SS18: variants seen among roughly 807,000 people sequenced by gnomAD.
The protein encoded by SS18 is protein SSXT.
Under a neutral mutation model 72.5 loss-of-function variants are expected in SS18, and 28 were observed. The observed-to-expected ratio is 0.39, with a 90% confidence interval of 0.29 to 0.53. The LOEUF is 0.53. Among genes scored for constraint, SS18 ranks in the 20% least tolerant of loss-of-function variants. The pLI is 0.76. For missense variants in SS18, 518 were observed against 535.3 expected (o/e 0.97, Z 0.32); for synonymous variants, 172 against 164.2 (o/e 1.05, Z -0.37).
chr18:26,076,197 T>A (rs1244495068), intron 3 of SS18, among the ~76,000 whole-genome samples: 1 of 151,622 alleles, frequency 6.6e-6, no homozygotes, highest in African/African-American at 2.4e-5. Context: ...ATTACGTATA[T>A]GTGTATATAA....
rs146983734 is a variant in SS18 at position 26,064,014 on chromosome 18, GAT to G, written c.232-6274_232-6273del. On this transcript the variant is annotated intron_variant, in intron 3 of 10. Transcript: ENST00000415083. ...AATATGGGCAGTAAAAGGAAAATGA[GAT>G]ATTAAGAACAACTTTATGATAATGT... 7.3e-3 allele frequency among the ~76,000 whole-genome samples: 1,107 copies of G among 152,154 alleles called. 11 individuals carry two copies. Among genetic ancestry groups the G allele is most frequent in the African/African-American group, 0.025 (1,048 of 41,504 alleles).
At chr18:26,029,493 T>C (rs1378674424) in intron 10 of SS18, among the ~76,000 whole-genome samples, 1 of 152,002 alleles carries the variant, frequency 6.6e-6, no homozygotes. Flanking sequence ...CTGTGAAAAA[T>C]GGCTAGATAT....
At chr18:26,057,430 C>A (rs1461192640) in intron 4 of SS18, among the ~76,000 whole-genome samples, 159 bp downstream of exon 4, 1 of 152,114 alleles carries the variant, frequency 6.6e-6, no homozygotes, top group Non-Finnish European at 1.5e-5. Flanking sequence ...ACACTGAATA[C>A]AGGTCACGTA....
At chr18:26,080,342 AGTATTAGTATG>A (rs754224372) in intron 2 of SS18, 471 of 985,282 alleles carry the variant, frequency 4.8e-4, no homozygotes, top group Non-Finnish European at 5.5e-4. Context: ...CCTTTGCTTG[AGTATTAGTATG>A]GTTGCACGAC....
intron 2 of SS18, 116 bp from the exon 3 acceptor site, chr18:26,078,276 C>T: frequency 1.6e-6 from 1 of 619,256 alleles, no homozygotes; most frequent in Non-Finnish European, 2.7e-6. Context: ...ACCCGAACAT[C>T]AATAGCACTT....
At chr18:26,090,923 A>G (rs900845029), upstream of SS18, 38 of 353,850 alleles carry the variant, frequency 1.1e-4, no homozygotes, top group Non-Finnish European at 1.6e-4. Context: ...CCGCGGGAGA[A>G]GGAGAGGCTG....
chr18:26,042,064 T>C (rs1030787309), intron 5 of SS18, among the ~76,000 whole-genome samples: 1 of 152,178 alleles, frequency 6.6e-6, no homozygotes, highest in Non-Finnish European at 1.5e-5. Context: ...AAAAAAATTA[T>C]GACTATGACT....
chr18:26,048,123 G>A (rs2053861552), intron 5 of SS18, among the ~76,000 whole-genome samples: 1 of 152,222 alleles, frequency 6.6e-6, no homozygotes, highest in African/African-American at 2.4e-5. Context: ...CTGTCACTGG[G>A]TATGTAGTAA....
At chr18:26,041,024 T>C (rs1483285422) in intron 5 of SS18, among the ~76,000 whole-genome samples, 2 of 152,160 alleles carry the variant, frequency 1.3e-5, no homozygotes, top group Non-Finnish European at 2.9e-5. Context: ...AAAATCAAGA[T>C]TACACAGCTA....
intron 3 of SS18, among the ~76,000 whole-genome samples, chr18:26,064,490 G>A (rs899597376): frequency 2.0e-5 from 3 of 152,080 alleles, no homozygotes; most frequent in Admixed American, 1.3e-4. Flanking sequence ...ATTAATCAGT[G>A]TAATTCACCA....
chr18:26,086,291 T>A (rs1318664187), intron 2 of SS18, among the ~76,000 whole-genome samples: 19 of 152,142 alleles, frequency 1.2e-4, no homozygotes, highest in Admixed American at 1.2e-3. Context: ...CTACCAAGGG[T>A]CAACTGTATT....
rs1190466908 is a variant in SS18, at chr18:26,069,074, C to G, written c.231+9002G>C. On this transcript the variant is annotated intron_variant, in intron 3 of 10. Transcript: ENST00000415083. ...CAGTTGAGTCTCCAAACACTCTCTT[C>G]TACACTTTATATCTACTCAGTAACT... Among the ~76,000 whole-genome samples the G allele has an allele frequency of 2.0e-5, 3 of 152,124 alleles. No individual in the cohort carries two copies. The East Asian group carries it at 5.8e-4, about 29-fold the overall frequency.
intron 3 of SS18, among the ~76,000 whole-genome samples, chr18:26,062,708 T>C (rs953883444): frequency 5.3e-5 from 8 of 152,156 alleles, no homozygotes; most frequent in Non-Finnish European, 1.2e-4. Context: ...AAAGATATCA[T>C]GCAAATACTA....
intron 6 of SS18, among the ~76,000 whole-genome samples, chr18:26,038,940 A>G (rs72878218): frequency 0.049 from 7,443 of 152,194 alleles, 256 homozygotes; most frequent in Middle Eastern, 0.082. Flanking sequence ...GGTTCAAACT[A>G]GTAGCAAATT....
At position 26,090,595 on chromosome 18, in the gene SS18, A is replaced by G; in HGVS notation, c.-26T>C. On this transcript the variant is annotated 5_prime_UTR_variant, in exon 1 of 11. Transcript: ENST00000415083. ...GTTGCCGCCGTCACCACTATCGGCA[A>G]GTCCCGAGCGCTCCGGGTGAACGGC... is the stretch of plus-strand genomic sequence containing the variant. 3.8e-6 allele frequency: 6 copies of G among 1,561,516 alleles called. No homozygotes were observed. Among genetic ancestry groups the G allele is most frequent in the Non-Finnish European group, 5.2e-6 (6 of 1,153,620 alleles).
chr18:26,050,296 AAC>A (rs1234907703), intron 5 of SS18, among the ~76,000 whole-genome samples: 1 of 152,158 alleles, frequency 6.6e-6, no homozygotes, highest in Non-Finnish European at 1.5e-5. Context: ...CCTCTAAGAG[AAC>A]ACAGAGAAAA....
chr18:26,082,281 TAAAGTAA>T (rs1390387420), intron 2 of SS18: 24 of 701,290 alleles, frequency 3.4e-5, no homozygotes, highest in Non-Finnish European at 4.0e-5. Flanking sequence ...TTACTTTGAA[TAAAGTAA>T]AATGGACACT....
intron 4 of SS18, among the ~76,000 whole-genome samples, chr18:26,053,662 A>T (rs2143988662): frequency 6.6e-6 from 1 of 150,728 alleles, no homozygotes; most frequent in Non-Finnish European, 1.5e-5. Context: ...TAATGAGGGA[A>T]TGACTAGTTC....
Position 26,087,415 on chromosome 18 carries a change from T to C in SS18, c.146+86A>G. The C allele has an allele frequency of 4.0e-6, 3 of 744,878 alleles. No homozygotes were observed. The South Asian group carries it at 4.6e-5, about 12-fold the overall frequency. 46.1% of individuals were successfully genotyped at this position (744,878 alleles called of 1,614,324 possible). On this transcript the variant is annotated intron_variant, in intron 2 of 10. Coordinates refer to ENST00000415083, the MANE Select transcript of SS18 (RefSeq NM_001007559.3). The stretch of plus-strand genomic sequence containing the variant: ...TAGGTGAATTGTATGGTATGTGAAT[T>C]ATATCTCAATAAAGCTGTTAGTAAA...
Sources: allele counts gnomAD v4.1 joint callset (sites outside exome capture counted in the v4.1 genomes callset), GRCh38; gene constraint gnomAD v4.1.1; transcripts MANE v1.5; gene names NCBI Gene and HGNC (gene_info 2026-07-23, HGNC 2026-07-21).